Variants in TPRN observed in about 807,000 individuals in gnomAD.
TPRN encodes taperin, also known as chromosome 9 open reading frame 75.
In TPRN, 32 loss-of-function variants were observed where a neutral mutation model predicts 42.6. That is an observed-to-expected ratio of 0.75 (90% CI 0.57 to 1.01). The LOEUF is 1.01. TPRN is among the 50% of genes least tolerant of loss of function. TPRN has a pLI of 0.00. For missense variants in TPRN, 1,095 were observed against 957.5 expected (o/e 1.14, Z -1.90); for synonymous variants, 541 against 445.6 (o/e 1.21, Z -2.70).
chr9:137,200,388 G>C lies in TPRN; in HGVS notation c.324C>G (p.Pro108=). 1 of 1,091,194 alleles carries C rather than the reference G, an allele frequency of 9.2e-7. No individual in the cohort carries two copies. The highest frequency in any genetic ancestry group is 1.1e-6 in the Non-Finnish European group (1 of 900,158). The allele number at this position is 1,091,194 out of a possible 1,614,324, so 67.6% of individuals were successfully genotyped here. ...LIIETVPGFP[P]APPAPGAAQI... The stretch of plus-strand genomic sequence containing the variant: ...GCGCGGCCCCCGGGGCGGGCGGCGC[G>C]GGCGGGAAGCCGGGCACCGTCTCGA... The change falls in exon 1 of 4, where the codon CCC becomes CCG. Residue 108 remains proline, a synonymous_variant. Coordinates refer to ENST00000409012, the MANE Select transcript of TPRN (RefSeq NM_001128228.3). The surrounding 1 kb of genome is among the most constrained non-coding windows in gnomAD (Gnocchi z 4.3).
chr9:137,200,322 G>A lies in TPRN; in HGVS notation c.390C>T (p.Pro130=), dbSNP rs1408758387. ...AAEVLVYGAP[P]GRVSRLLERF... ...TCTCCAGTAGGCGGCTGACGCGGCC[G>A]GGCGGCGCCCCGTACACCAGCACCT... Residue 130 remains proline, a synonymous_variant, in exon 1 of 4, where the codon CCC becomes CCT. Transcript: ENST00000409012. This position sits in a 1 kb window ranked among gnomAD's most constrained non-coding sequence, Gnocchi z 4.3. 2.1e-5 allele frequency: 21 copies of A among 1,006,176 alleles called. No homozygotes were observed. The highest frequency in any genetic ancestry group is 2.4e-5 in the Non-Finnish European group (20 of 846,644). The allele number at this position is 1,006,176 out of a possible 1,614,324, so 62.3% of individuals were successfully genotyped here. A position where few individuals can be genotyped will look rare whatever the true frequency, so the allele number is the denominator to read the frequency against.
Position 137,199,360 on chromosome 9 carries a change from G to C in TPRN, c.1352C>G (p.Pro451Arg), listed in dbSNP as rs79755193. ...ATCGATGAAGGTGACAGGCAGCCCC[G>C]GCCTCACATATTCCCGGCTATTCTT... Reference protein sequence around the residue: ...LAKNSREYVRPGLPVTFIDEV... With the variant: ...LAKNSREYVRRGLPVTFIDEV... Residue 451 changes from proline to arginine, a missense_variant, in exon 1 of 4, where the codon CCG (proline) becomes CGG (arginine). Pro to Arg is a moderately radical substitution (Grantham distance 103). Coordinates refer to ENST00000409012, the MANE Select transcript of TPRN (RefSeq NM_001128228.3). 2 of 1,612,728 alleles carry C rather than the reference G, an allele frequency of 1.2e-6. No individual in the cohort carries two copies. The highest frequency in any genetic ancestry group is 1.3e-5 in the African/African-American group (1 of 75,056).
Position 137,200,631 on chromosome 9 carries a change from C to T in TPRN, c.81G>A (p.Arg27=), listed in dbSNP as rs1588777576. The T allele has an allele frequency of 8.4e-6, 10 of 1,191,740 alleles. No homozygotes were observed. Among genetic ancestry groups the T allele is most frequent in the Non-Finnish European group, 1.0e-5 (10 of 959,516 alleles). The allele number at this position is 1,191,740 out of a possible 1,614,324, so 73.8% of individuals were successfully genotyped here. A position where few individuals can be genotyped will look rare whatever the true frequency, so the allele number is the denominator to read the frequency against. ...CCCCGCCCAGCGCGGCTAGCTTGGCCCGCTTCCGCTCCAGGATCTCACGCT... is the reference window on the plus strand; with the variant it reads ...CCCCGCCCAGCGCGGCTAGCTTGGCTCGCTTCCGCTCCAGGATCTCACGCT... ...AWKREILERK[R]AKLAALGGGA... is the part of the protein sequence containing the mutation. Residue 27 remains arginine (R), a synonymous_variant, in exon 1 of 4, where the codon CGG becomes CGA. Transcript: ENST00000409012. This position sits in a 1 kb window ranked among gnomAD's most constrained non-coding sequence, Gnocchi z 4.3.
At position 137,200,220 on chromosome 9, in the gene TPRN, G is replaced by GGGCGGC. The variant is rs957768814; in HGVS notation, c.486_491dup (p.Pro163_Pro164dup). 49 of 958,720 alleles carry GGGCGGC rather than the reference G, an allele frequency of 5.1e-5. No homozygotes were observed. The highest frequency in any genetic ancestry group is 2.4e-4 in the East Asian group (2 of 8,424). The allele number at this position is 958,720 out of a possible 1,614,324, so 59.4% of individuals were successfully genotyped here. ...CCGCGGGCGGGGGCCGGGGCGGCGC[G>GGGCGGC]GGCGGCGGCGGCGGCGGCGGGGGGC... On this transcript the variant is annotated inframe_insertion, in exon 1 of 4. Transcript: ENST00000409012. The surrounding 1 kb of genome is among the most constrained non-coding windows in gnomAD (Gnocchi z 4.3).
chr9:137,198,867 A>T, intron 1 of TPRN, 120 bp downstream of exon 1: 4 of 1,579,470 alleles, frequency 2.5e-6, no homozygotes, highest in Non-Finnish European at 3.4e-6. Context: ...CCTCAAGTCC[A>T]TGTAGAAACC....
In TPRN at chr9:137,200,631, C is replaced by A; in HGVS notation, c.81G>T (p.Arg27=). 8.4e-7 allele frequency: 1 copy of A among 1,191,738 alleles called. No individual in the cohort carries two copies. Among genetic ancestry groups the A allele is most frequent in the Non-Finnish European group, 1.0e-6 (1 of 959,514 alleles). The allele number at this position is 1,191,738 out of a possible 1,614,324, so 73.8% of individuals were successfully genotyped here. A position where few individuals can be genotyped will look rare whatever the true frequency, so the allele number is the denominator to read the frequency against. Residue 27 remains arginine, a synonymous_variant, in exon 1 of 4, where the codon CGG becomes CGT. Transcript: ENST00000409012. The surrounding 1 kb of genome is among the most constrained non-coding windows in gnomAD (Gnocchi z 4.3). ...AWKREILERK[R]AKLAALGGGA... Reference sequence around the variant, plus strand: ...CCCCGCCCAGCGCGGCTAGCTTGGCCCGCTTCCGCTCCAGGATCTCACGCT... The same window carrying A: ...CCCCGCCCAGCGCGGCTAGCTTGGCACGCTTCCGCTCCAGGATCTCACGCT...
Position 137,192,622 on chromosome 9 carries a change from G to A in TPRN, c.1795C>T (p.Gln599Ter), listed in dbSNP as rs753183855. 6.2e-7 allele frequency: 1 copy of A among 1,613,630 alleles called. No individual in the cohort carries two copies. The highest frequency in any genetic ancestry group is 1.1e-5 in the South Asian group (1 of 91,086). ...FEYPSESSLE[Q>*]EEEVDQQEEE... ...TCCTGCTGGTCCACCTCTTCCTCCT[G>A]CTCTAGGGAGCTCTCGGAAGGGTAC... Residue 599 changes from glutamine (Q) to a stop codon, truncating the protein, a stop_gained, in exon 2 of 4, where the codon CAG becomes TAG. Coordinates refer to ENST00000409012, the MANE Select transcript of TPRN (RefSeq NM_001128228.3). LOFTEE classifies it high-confidence loss of function.
chr9:137,200,611 C>T lies in TPRN; in HGVS notation c.101G>A (p.Gly34Asp), dbSNP rs1342858024. 2 of 1,164,044 alleles carry T rather than the reference C, an allele frequency of 1.7e-6. No individual in the cohort carries two copies. The highest frequency in any genetic ancestry group is 2.1e-6 in the Non-Finnish European group (2 of 947,364). The allele number at this position is 1,164,044 out of a possible 1,614,324, so 72.1% of individuals were successfully genotyped here. A position where few individuals can be genotyped will look rare whatever the true frequency, so the allele number is the denominator to read the frequency against. ...CGCCGCCCCGGGCCCCGCGCCCCCG[C>T]CCAGCGCGGCTAGCTTGGCCCGCTT... is the stretch of plus-strand genomic sequence containing the variant. ...ERKRAKLAAL[G>D]GGAGPGAAEP... is the part of the protein sequence containing the mutation. Residue 34 changes from glycine to aspartate, a missense_variant, in exon 1 of 4, where the codon GGC (glycine) becomes GAC (aspartate). Physicochemically the swap from Gly to Asp is moderately conservative, Grantham distance 94. Transcript: ENST00000409012. The surrounding 1 kb of genome is among the most constrained non-coding windows in gnomAD (Gnocchi z 4.3).
At chr9:137,198,496 G>A (rs1019827392) in intron 1 of TPRN, among the ~76,000 whole-genome samples, 16 of 152,362 alleles carry the variant, frequency 1.1e-4, no homozygotes, top group African/African-American at 3.4e-4. Context: ...TGCACCCCAA[G>A]GCTGACTGTG....
rs904429045 is a variant in TPRN at position 137,199,808 on chromosome 9, C to A, written c.904G>T (p.Ala302Ser). The A allele has an allele frequency of 6.3e-7, 1 of 1,596,678 alleles. No homozygotes were observed. The highest frequency in any genetic ancestry group is 8.5e-7 in the Non-Finnish European group (1 of 1,172,158). The change falls in exon 1 of 4, where the codon GCC becomes TCC. Residue 302 changes from alanine (A) to serine (S), a missense_variant. Coordinates refer to ENST00000409012, the MANE Select transcript of TPRN (RefSeq NM_001128228.3). ...STNDSFEIRP[A>S]PKPVMETIPL... ...ATGGTCTCCATAACTGGCTTGGGGGCCGGCCGTATCTCGAAGGAGTCGTTG... is the reference window on the plus strand; with the variant it reads ...ATGGTCTCCATAACTGGCTTGGGGGACGGCCGTATCTCGAAGGAGTCGTTG...
At position 137,199,484 on chromosome 9, in the gene TPRN, C is replaced by A. The variant is rs1834761632; in HGVS notation, c.1228G>T (p.Ala410Ser). 4 of 1,592,404 alleles carry A rather than the reference C, an allele frequency of 2.5e-6. No individual in the cohort carries two copies. The highest frequency in any genetic ancestry group is 2.6e-6 in the Non-Finnish European group (3 of 1,170,248). Residue 410 changes from alanine (A) to serine (S), a missense_variant, in exon 1 of 4, where the codon GCT (alanine) becomes TCT (serine). Coordinates refer to ENST00000409012, the MANE Select transcript of TPRN (RefSeq NM_001128228.3). The stretch of plus-strand genomic sequence containing the variant: ...GAGGACGGCCTCTGCCACCTAATAG[C>A]CCGGTCAGCGAGGGCGGTGGCTGTC... ...PRTATALADRAIRWQRPSSPP... is the reference protein window; with the variant it reads ...PRTATALADRSIRWQRPSSPP...
Position 137,199,936 on chromosome 9 carries a change from A to T in TPRN, c.776T>A (p.Leu259His). The T allele has an allele frequency of 3.0e-5, 13 of 438,736 alleles. No individual in the cohort carries two copies. Among genetic ancestry groups the T allele is most frequent in the East Asian group, 1.0e-4 (1 of 9,696 alleles). 27.2% of individuals were successfully genotyped at this position (438,736 alleles called of 1,614,324 possible). ...GGTCCCGGGGCTGGGGGGCGGGTGGAGGGAGGGATCCCCCGACTCCACCTT... is the reference window on the plus strand; with the variant it reads ...GGTCCCGGGGCTGGGGGGCGGGTGGTGGGAGGGATCCCCCGACTCCACCTT... ...KPKVESGDPS[L>H]HPPPSPGTPS... is the part of the protein sequence containing the mutation. Residue 259 changes from leucine to histidine, a missense_variant, in exon 1 of 4, where the codon CTC becomes CAC. By Grantham distance (99) the Leu-to-His change is moderately conservative (BLOSUM62 -3). Transcript: ENST00000409012.
In TPRN at chr9:137,192,049, G is replaced by A. The variant is rs932933262; in HGVS notation, c.*63C>T. 6.3e-7 allele frequency: 1 copy of A among 1,579,664 alleles called. No individual in the cohort carries two copies. The highest frequency in any genetic ancestry group is 1.3e-5 in the African/African-American group (1 of 74,634). The stretch of plus-strand genomic sequence containing the variant: ...GCAGAAGCGGGTGCAGTAGTCCCTG[G>A]CTACTGCCCAGCTTCCGGGACTCCC... On this transcript the variant is annotated 3_prime_UTR_variant, in exon 4 of 4. Transcript: ENST00000409012.
Position 137,192,666 on chromosome 9 carries a change from C to G in TPRN, c.1751G>C (p.Ser584Thr). 6.2e-7 allele frequency: 1 copy of G among 1,613,830 alleles called. No individual in the cohort carries two copies. Among genetic ancestry groups the G allele is most frequent in the Non-Finnish European group, 8.5e-7 (1 of 1,179,972 alleles). Reference protein sequence around the residue: ...KKMKISFNDKSLQTTFEYPSE... With the variant: ...KKMKISFNDKTLQTTFEYPSE... ...AGGGTACTCAAATGTGGTCTGCAGG[C>G]TTTTGTCGTTGAAGGAGATCTTCAT... The change falls in exon 2 of 4, where the codon AGC (serine) becomes ACC (threonine). Residue 584 changes from serine (S) to threonine (T), a missense_variant. Coordinates refer to ENST00000409012, the MANE Select transcript of TPRN (RefSeq NM_001128228.3).
intron 1 of TPRN, chr9:137,194,256 G>A (rs1021700777): frequency 1.3e-5 from 2 of 152,320 alleles, no homozygotes; most frequent in Non-Finnish European, 2.9e-5. Context: ...TCCCACAGGA[G>A]GCCAGGCAGG....
At position 137,200,061 on chromosome 9, in the gene TPRN, G is replaced by A. The variant is rs1390197967; in HGVS notation, c.651C>T (p.Gly217=). 15 of 1,432,476 alleles carry A rather than the reference G, an allele frequency of 1.0e-5. No homozygotes were observed. Among genetic ancestry groups the A allele is most frequent in the Non-Finnish European group, 1.4e-5 (15 of 1,100,034 alleles). 88.7% of individuals were successfully genotyped at this position (1,432,476 alleles called of 1,614,324 possible). ...AGTGCCCGTTGGAGAGCAGGCGGGC[G>A]CCCGCGCCGCGGTGCAGACCCCGGG... is the stretch of plus-strand genomic sequence containing the variant. ...VHPRGLHRGA[G]ARLLSNGHSA... Residue 217 remains glycine (G), a synonymous_variant, in exon 1 of 4, where the codon GGC becomes GGT. Transcript: ENST00000409012. This position sits in a 1 kb window ranked among gnomAD's most constrained non-coding sequence, Gnocchi z 4.3.
In TPRN at chr9:137,200,040, C is replaced by T. The variant is rs944876770; in HGVS notation, c.672G>A (p.Gly224=). The part of the protein sequence containing the change: ...RGAGARLLSN[G]HSAPEPRAGP... ...CGGCCCGGGGCTCAGGGGCCGAGTG[C>T]CCGTTGGAGAGCAGGCGGGCGCCCG... The change falls in exon 1 of 4, where the codon GGG becomes GGA. Residue 224 remains glycine, a synonymous_variant. Transcript: ENST00000409012. The surrounding 1 kb of genome is among the most constrained non-coding windows in gnomAD (Gnocchi z 4.3). 3 of 1,437,820 alleles carry T rather than the reference C, an allele frequency of 2.1e-6. No individual in the cohort carries two copies. The highest frequency in any genetic ancestry group is 1.8e-6 in the Non-Finnish European group (2 of 1,102,424). The allele number at this position is 1,437,820 out of a possible 1,614,324, so 89.1% of individuals were successfully genotyped here. A position where few individuals can be genotyped will look rare whatever the true frequency, so the allele number is the denominator to read the frequency against.
At chr9:137,197,274 T>C (rs536942952) in intron 1 of TPRN, among the ~76,000 whole-genome samples, 1 of 152,252 alleles carries the variant, frequency 6.6e-6, no homozygotes, top group Non-Finnish European at 1.5e-5. Context: ...AATTTTTTTA[T>C]ATCTTCTTAG....
In TPRN at chr9:137,199,075, T is replaced by C; in HGVS notation, c.1637A>G (p.Tyr546Cys). The C allele has an allele frequency of 6.2e-7, 1 of 1,613,182 alleles. No homozygotes were observed. Among genetic ancestry groups the C allele is most frequent in the South Asian group, 1.1e-5 (1 of 91,078 alleles). Residue 546 changes from tyrosine to cysteine, a missense_variant, in exon 1 of 4, where the codon TAC becomes TGC. Transcript: ENST00000409012. ...CACCTCGATCTCATGCACGGTGGGG[T>C]AGCGCTTCTTCAACGTGGGCCCCAG... ...CLLGPTLKKR[Y>C]PTVHEIEVIG...
Sources: gnomAD v4.1 joint callset for allele counts (sites outside exome capture counted in the v4.1 genomes callset) on GRCh38, gnomAD v4.1.1 for gene constraint, Gnocchi (gnomAD v3.1) non-coding constraint, MANE v1.5 for transcripts, NCBI Gene and HGNC (gene_info 2026-07-23, HGNC 2026-07-21) for gene names.